EDA: variants seen among roughly 807,000 people sequenced by gnomAD.
EDA encodes ectodysplasin-A.
In EDA, 2 loss-of-function variants were observed where a neutral mutation model predicts 23.6. The ratio of observed to expected loss-of-function variants is 0.08; its 90% confidence interval spans 0.03 to 0.27. The LOEUF is 0.27. Ranked by LOEUF, EDA falls within the 10% of genes least tolerant of loss-of-function variation. EDA has a pLI of 1.00. For missense variants in EDA, 229 were observed against 324.2 expected (o/e 0.71, Z 2.26); for synonymous variants, 131 against 132.0 (o/e 0.99, Z 0.05).
intron 1 of EDA, among the ~76,000 whole-genome samples, chrX:69,753,398 T>C (rs2013971678): frequency 8.9e-6 from 1 of 112,229 alleles, no homozygotes; most frequent in East Asian, 2.8e-4. Flanking sequence ...TGAGTGAGTT[T>C]CTTAATCCTG....
chrX:69,828,493 C>G (rs371508122), intron 1 of EDA, among the ~76,000 whole-genome samples: 20 of 111,975 alleles, frequency 1.8e-4, no homozygotes, highest in Non-Finnish European at 3.2e-4. Flanking sequence ...CTTTCTTTGA[C>G]TAGGAAAGGG....
intron 2 of EDA, among the ~76,000 whole-genome samples, chrX:70,018,933 GCAAA>G (rs986779105): frequency 2.7e-5 from 3 of 111,738 alleles, no homozygotes; most frequent in African/African-American, 9.7e-5. Flanking sequence ...GAAAATATTT[GCAAA>G]CAATGTATCT....
At chrX:69,632,840 C>T (rs1026979646) in intron 1 of EDA, among the ~76,000 whole-genome samples, 4 of 111,784 alleles carry the variant, frequency 3.6e-5, no homozygotes, top group South Asian at 3.8e-4. Context: ...ATCTTCTCCC[C>T]GCTTACTATC....
At chrX:69,749,383 A>C (rs891250971) in intron 1 of EDA, among the ~76,000 whole-genome samples, 1 of 90,797 alleles carries the variant, frequency 1.1e-5, no homozygotes, top group Non-Finnish European at 2.2e-5. Flanking sequence ...ATTGTGAATA[A>C]TGCCGCAATA....
At chrX:69,827,717 G>A (rs1182534853) in intron 1 of EDA, among the ~76,000 whole-genome samples, 8 of 112,163 alleles carry the variant, frequency 7.1e-5, no homozygotes, top group East Asian at 2.8e-4. Context: ...GTCATTCAAC[G>A]TCCAGCTTTG....
intron 1 of EDA, among the ~76,000 whole-genome samples, chrX:69,825,866 A>T (rs1261596700): frequency 9.1e-6 from 1 of 109,864 alleles, no homozygotes; most frequent in African/African-American, 3.3e-5. Flanking sequence ...ACACACTGCT[A>T]TGAATGCATC....
At chrX:69,898,569 C>T (rs1009130665) in intron 1 of EDA, among the ~76,000 whole-genome samples, 4 of 111,236 alleles carry the variant, frequency 3.6e-5, no homozygotes, top group East Asian at 5.6e-4. Flanking sequence ...GGTGACAGAG[C>T]GAGACTCCGT....
intron 1 of EDA, among the ~76,000 whole-genome samples, chrX:69,662,311 C>T (rs2147256991): frequency 9.2e-6 from 1 of 108,468 alleles, no homozygotes; most frequent in African/African-American, 3.4e-5. Context: ...TGGTGGAAGG[C>T]AATTGAATTG....
At chrX:69,887,733 C>T (rs2017850834) in intron 1 of EDA, among the ~76,000 whole-genome samples, 1 of 111,676 alleles carries the variant, frequency 9.0e-6, no homozygotes, top group South Asian at 3.8e-4. Context: ...GACTTCTCAA[C>T]AGAAAATCTT....
intron 1 of EDA, among the ~76,000 whole-genome samples, chrX:69,795,936 G>A (rs1047904315): frequency 2.7e-5 from 3 of 111,564 alleles, no homozygotes; most frequent in African/African-American, 9.8e-5. Context: ...GTCCACCACC[G>A]TTAACACCTC....
At chrX:69,807,531 CTTAGCCTTTGCCTCT>C (rs1487841350) in intron 1 of EDA, among the ~76,000 whole-genome samples, 1 of 104,299 alleles carries the variant, frequency 9.6e-6, no homozygotes, top group African/African-American at 3.5e-5. Flanking sequence ...AAATAGATTT[CTTAGCCTTTGCCTCT>C]TTTACCACAG....
chrX:69,707,205 A>G (rs904550290), intron 1 of EDA, among the ~76,000 whole-genome samples: 3 of 112,323 alleles, frequency 2.7e-5, no homozygotes, highest in African/African-American at 9.7e-5. Context: ...TACAGAAAAC[A>G]GAGAGAACTA....
At chrX:69,815,001 C>CT (rs2016044391) in intron 1 of EDA, among the ~76,000 whole-genome samples, 1 of 111,612 alleles carries the variant, frequency 9.0e-6, no homozygotes, top group Non-Finnish European at 1.9e-5. Context: ...GGAAATCCGT[C>CT]CGTACCTATC....
At chrX:69,940,445 AT>A (rs2018740781) in intron 1 of EDA, among the ~76,000 whole-genome samples, 1 of 97,863 alleles carries the variant, frequency 1.0e-5, no homozygotes, top group South Asian at 5.0e-4. Context: ...CTCCTTTTTC[AT>A]CTCTAATTTT....
At chrX:69,659,085 C>T (rs1293242188) in intron 1 of EDA, among the ~76,000 whole-genome samples, 16 of 111,956 alleles carry the variant, frequency 1.4e-4, no homozygotes, top group Admixed American at 7.6e-4. Flanking sequence ...CCATTTTTAT[C>T]GTGGCCTAGA....
In EDA at chrX:69,616,770, A is replaced by C. The variant is rs780904849; in HGVS notation, c.396+66A>C. 2.5e-6 allele frequency: 3 copies of C among 1,191,685 alleles called. No individual in the cohort carries two copies. In the South Asian group the frequency reaches 5.3e-5, roughly 21 times the overall value. On this transcript the variant is annotated intron_variant, in intron 1 of 7. Coordinates refer to ENST00000374552, the MANE Select transcript of EDA (RefSeq NM_001399.5). ...GCGGGTAGGGCGAGGGCCCTCCGCC[A>C]CAGGGGCCTGGGAGCACTCAGCAAC...
rs148415022 is a variant in EDA at position 69,633,506 on chromosome X, T to C, written c.396+16802T>C. Among the ~76,000 whole-genome samples, 259 of 111,973 alleles carry C rather than the reference T, an allele frequency of 2.3e-3. 1 individual carries two copies. The highest frequency in any genetic ancestry group is 8.0e-3 in the African/African-American group (246 of 30,861). Reference sequence around the variant, plus strand: ...AAGAAACTGTATCCATTAGCAGTCATTCCCCAATTCCTCCTTTCCCCCATC... The same window carrying C: ...AAGAAACTGTATCCATTAGCAGTCACTCCCCAATTCCTCCTTTCCCCCATC... On this transcript the variant is annotated intron_variant, in intron 1 of 7. Transcript: ENST00000374552.
chrX:69,707,147 A>G (rs1428910694), intron 1 of EDA, among the ~76,000 whole-genome samples: 2 of 112,264 alleles, frequency 1.8e-5, no homozygotes, highest in Non-Finnish European at 3.8e-5. Flanking sequence ...TTTTGAGAAG[A>G]GAGGTTTCAG....
At chrX:69,820,014 CA>C (rs1170057555) in intron 1 of EDA, among the ~76,000 whole-genome samples, 1 of 110,699 alleles carries the variant, frequency 9.0e-6, no homozygotes, top group African/African-American at 3.3e-5. Flanking sequence ...TTACAGTAAC[CA>C]AAACAGCATG....
Sources: gnomAD v4.1 joint callset for allele counts (sites outside exome capture counted in the v4.1 genomes callset) on GRCh38, gnomAD v4.1.1 for gene constraint, MANE v1.5 for transcripts, NCBI Gene and HGNC (gene_info 2026-07-23, HGNC 2026-07-21) for gene names.